The following GLIS3 variants were observed in gnomAD, a reference collection of about 807,000 sequenced individuals.
The protein encoded by GLIS3 is zinc finger protein GLIS3.
In GLIS3, 53 loss-of-function variants were observed where a neutral mutation model predicts 78.6. The observed-to-expected ratio is 0.67, with a 90% CI of 0.54 to 0.85. The LOEUF is 0.85. Ranked by LOEUF, GLIS3 falls within the 40% of genes least tolerant of loss-of-function variation. The probability of loss-of-function intolerance (pLI) is 0.00; values close to 1 mark genes in which losing one functional copy is unlikely to be tolerated. For synonymous variants in GLIS3, 684 were observed against 509.9 expected (o/e 1.34, Z -4.60); for missense variants, 1,703 against 1,231.1 (o/e 1.38, Z -5.74).
the GLIS3 span, among the ~76,000 whole-genome samples, chr9:4,423,869 T>C: frequency 2.7e-5 from 4 of 147,060 alleles, no homozygotes; most frequent in South Asian, 8.5e-4. Context: ...ATTTTGCATC[T>C]CTTATAAAAC....
At chr9:4,277,817 G>T (rs535584068) in intron 2 of GLIS3, among the ~76,000 whole-genome samples, 16 of 152,270 alleles carry the variant, frequency 1.1e-4, no homozygotes, top group African/African-American at 3.9e-4. Flanking sequence ...TTTCCCAGAC[G>T]CTGTGAAAAA....
the GLIS3 span, among the ~76,000 whole-genome samples, chr9:4,368,454 C>G: frequency 1.3e-5 from 2 of 151,860 alleles, no homozygotes; most frequent in African/African-American, 4.8e-5. Context: ...ACGCCCTTCT[C>G]TTGCCTCAGC....
chr9:4,202,149 TTTC>T (rs1819457029), intron 2 of GLIS3, among the ~76,000 whole-genome samples: 1 of 36,102 alleles, frequency 2.8e-5, no homozygotes, highest in African/African-American at 1.1e-4. Flanking sequence ...TCTCCCCCTT[TTTC>T]TTTTTTTTTT....
At chr9:4,197,241 T>C (rs1200991202) in intron 2 of GLIS3, among the ~76,000 whole-genome samples, 2 of 151,116 alleles carry the variant, frequency 1.3e-5, no homozygotes, top group Non-Finnish European at 3.0e-5. Context: ...CCACCTTCCC[T>C]ATGCAGAGAT....
chr9:3,873,619 T>TTTCA (rs1821106898), intron 8 of GLIS3, among the ~76,000 whole-genome samples: 1 of 151,780 alleles, frequency 6.6e-6, no homozygotes, highest in South Asian at 2.1e-4. Context: ...TGTAACAAAA[T>TTTCA]TTCACATCAT....
At chr9:4,433,063 G>C in the GLIS3 span, among the ~76,000 whole-genome samples, 5 of 152,128 alleles carry the variant, frequency 3.3e-5, no homozygotes, top group African/African-American at 1.2e-4. Context: ...AAGGAGAATT[G>C]TTTTACTCAA....
At chr9:3,919,275 G>A (rs956689096) in intron 6 of GLIS3, among the ~76,000 whole-genome samples, 1 of 152,240 alleles carries the variant, frequency 6.6e-6, no homozygotes, top group Non-Finnish European at 1.5e-5. Context: ...AAAGCCAAAA[G>A]AGCACTGCAT....
chr9:3,837,774 G>A (rs1818443862), intron 9 of GLIS3, among the ~76,000 whole-genome samples: 1 of 152,214 alleles, frequency 6.6e-6, no homozygotes, highest in African/African-American at 2.4e-5. Context: ...GTTGGGGGGA[G>A]GGAAGGACGA....
chr9:4,394,971 C>A, the GLIS3 span, among the ~76,000 whole-genome samples: 1 of 152,194 alleles, frequency 6.6e-6, no homozygotes, highest in African/African-American at 2.4e-5. Context: ...GAGTGCTATT[C>A]TTGCACTGAA....
the GLIS3 span, among the ~76,000 whole-genome samples, chr9:4,407,281 C>A: frequency 6.6e-6 from 1 of 152,138 alleles, no homozygotes; most frequent in Non-Finnish European, 1.5e-5. Context: ...TCACCATATA[C>A]AAAAATCAAA....
At chr9:4,006,802 A>C (rs1392857332) in intron 4 of GLIS3, among the ~76,000 whole-genome samples, 2 of 152,204 alleles carry the variant, frequency 1.3e-5, no homozygotes, top group Non-Finnish European at 2.9e-5. Flanking sequence ...TTATTATTAG[A>C]TTTCCGTAAT....
chr9:4,284,581 C>T (rs901839775), intron 2 of GLIS3, among the ~76,000 whole-genome samples: 1 of 151,532 alleles, frequency 6.6e-6, no homozygotes, highest in Non-Finnish European at 1.5e-5. Context: ...TGACTCAAAA[C>T]TAATCTAGAC....
At chr9:4,260,023 G>A (rs935188871) in intron 2 of GLIS3, among the ~76,000 whole-genome samples, 1 of 152,166 alleles carries the variant, frequency 6.6e-6, no homozygotes. Flanking sequence ...GAAACACAGA[G>A]GGAGAAAGGA....
At chr9:4,148,579 C>G (rs563372751) in intron 2 of GLIS3, among the ~76,000 whole-genome samples, 26 of 152,042 alleles carry the variant, frequency 1.7e-4, no homozygotes, top group Non-Finnish European at 1.5e-4. Context: ...ACTGGCAGGC[C>G]CATGAGGACA....
chr9:4,046,870 T>C (rs556848101), intron 4 of GLIS3, among the ~76,000 whole-genome samples: 1 of 152,204 alleles, frequency 6.6e-6, no homozygotes, highest in Non-Finnish European at 1.5e-5. Context: ...CATCTAGGTA[T>C]TGCCAGAGGA....
chr9:4,298,235 C>A (rs542107262), intron 1 of GLIS3: 20 of 265,794 alleles, frequency 7.5e-5, no homozygotes, highest in Admixed American at 6.6e-4. Flanking sequence ...GGCTCGCAGT[C>A]CCCCCACGCC....
intron 2 of GLIS3, among the ~76,000 whole-genome samples, chr9:4,161,990 G>A (rs576727687): frequency 2.9e-4 from 44 of 151,986 alleles, no homozygotes; most frequent in Non-Finnish European, 6.2e-4. Flanking sequence ...CCAGGCTGAG[G>A]CTAGAATTCT....
intron 4 of GLIS3, among the ~76,000 whole-genome samples, chr9:4,078,413 A>G (rs773982038): frequency 1.3e-5 from 2 of 152,142 alleles, no homozygotes; most frequent in African/African-American, 4.8e-5. Context: ...TCTGATCTAC[A>G]CAACTCAAGT....
chr9:4,458,164 C>G, the GLIS3 span, among the ~76,000 whole-genome samples: 1 of 152,166 alleles, frequency 6.6e-6, no homozygotes, highest in East Asian at 1.9e-4. Context: ...TTTGTTCTCT[C>G]TTATTGCAGA....
Sources: gnomAD v4.1 joint callset for allele counts (sites outside exome capture counted in the v4.1 genomes callset) on GRCh38, gnomAD v4.1.1 for gene constraint, MANE v1.5 for transcripts, NCBI Gene and HGNC (gene_info 2026-07-23, HGNC 2026-07-21) for gene names.